Variants in TMEM67 observed in about 807,000 individuals in gnomAD.
The protein encoded by TMEM67 is transmembrane protein 67, also known as meckelin.
Under a neutral mutation model 136.6 loss-of-function variants are expected in TMEM67, and 124 were observed. The observed-to-expected ratio is 0.91, with a 90% CI of 0.78 to 1.05. The LOEUF (loss-of-function observed/expected upper bound fraction) is 1.05. Among genes scored for constraint, TMEM67 ranks in the 50% least tolerant of loss-of-function variants. The probability of loss-of-function intolerance (pLI) is 0.00; values close to 1 mark genes in which losing one functional copy is unlikely to be tolerated. For synonymous variants in TMEM67, 364 were observed against 390.5 expected (o/e 0.93, Z 0.80); for missense variants, 1,107 against 1,178.4 (o/e 0.94, Z 0.89).
Position 93,754,895 on chromosome 8 carries a change from A to G in TMEM67, c.-20A>G. ...GGCTGATGGGGGGCTGGAGGCTGTG[A>G]GGCTTCCAGCGTCGGTACCATGGCG... On this transcript the variant is annotated 5_prime_UTR_variant, in exon 1 of 28. Transcript: ENST00000453321. The G allele has an allele frequency of 1.2e-6, 2 of 1,608,464 alleles. No individual in the cohort carries two copies. Among genetic ancestry groups the G allele is most frequent in the Non-Finnish European group, 1.7e-6 (2 of 1,175,882 alleles).
rs1814044936 is a variant in TMEM67 at position 93,785,325 on chromosome 8, C to G, written c.1235C>G (p.Ala412Gly). Residue 412 changes from alanine to glycine, a missense_variant, in exon 12 of 28, where the codon GCT becomes GGT. By Grantham distance (60) the Ala-to-Gly change is moderately conservative. Around this residue, in one of 3 missense-constraint regions of TMEM67, gnomAD observed 925 missense variants for 1,002.4 expected, o/e 0.92. Transcript: ENST00000453321. ...GAAAATCAACATCAATATATTTTGG[C>G]TGTGCCTGTGTTAAACCTAAATCTT... ...TDENQHQYIL[A>G]VPVLNLNLQH... 1 of 1,610,428 alleles carries G rather than the reference C, an allele frequency of 6.2e-7. No homozygotes were observed. Among genetic ancestry groups the G allele is most frequent in the African/African-American group, 1.3e-5 (1 of 74,808 alleles).
the TMEM67 span, among the ~76,000 whole-genome samples, chr8:93,825,266 A>G: frequency 6.6e-6 from 1 of 152,218 alleles, no homozygotes; most frequent in Admixed American, 6.5e-5. Context: ...GACATTCCAG[A>G]GAAGGAGAGC....
chr8:93,754,969 G>T lies in TMEM67; in HGVS notation c.55G>T (p.Ala19Ser), dbSNP rs1300371747. The T allele has an allele frequency of 3.1e-6, 5 of 1,614,140 alleles. No individual in the cohort carries two copies. The highest frequency in any genetic ancestry group is 2.2e-5 in the East Asian group (1 of 44,892). ...VAMAVWSLLS[A>S]RAVTAFLLLF... is the part of the protein sequence containing the mutation. ...AATGGCGGTTTGGTCCCTCTTATCC[G>T]CCCGGGCCGTGACCGCGTTCCTTCT... Residue 19 changes from alanine (A) to serine (S), a missense_variant, in exon 1 of 28, where the codon GCC becomes TCC. By Grantham distance (99) the Ala-to-Ser change is moderately conservative (BLOSUM62 1). Transcript: ENST00000453321.
At chr8:93,758,196 A>C (rs1437448983) in intron 2 of TMEM67, among the ~76,000 whole-genome samples, 1 of 152,244 alleles carries the variant, frequency 6.6e-6, no homozygotes, top group Non-Finnish European at 1.5e-5. Flanking sequence ...CGAAATGACA[A>C]ATAATTATGA....
At chr8:93,810,502 C>T (rs1808660505) in intron 26 of TMEM67, among the ~76,000 whole-genome samples, 1 of 151,930 alleles carries the variant, frequency 6.6e-6, no homozygotes, top group South Asian at 2.1e-4. Flanking sequence ...ATGGCTTGAA[C>T]CTGGGAGGCA....
At position 93,754,967 on chromosome 8, in the gene TMEM67, C is replaced by G; in HGVS notation, c.53C>G (p.Ser18Cys). 1 of 1,614,200 alleles carries G rather than the reference C, an allele frequency of 6.2e-7. No homozygotes were observed. Among genetic ancestry groups the G allele is most frequent in the Non-Finnish European group, 8.5e-7 (1 of 1,180,022 alleles). ...GVAMAVWSLL[S>C]ARAVTAFLLL... The stretch of plus-strand genomic sequence containing the variant: ...GCAATGGCGGTTTGGTCCCTCTTAT[C>G]CGCCCGGGCCGTGACCGCGTTCCTT... The change falls in exon 1 of 28, where the codon TCC becomes TGC. Residue 18 changes from serine to cysteine, a missense_variant. Transcript: ENST00000453321.
chr8:93,782,004 C>T (rs1201611636), intron 10 of TMEM67, among the ~76,000 whole-genome samples: 3 of 152,016 alleles, frequency 2.0e-5, no homozygotes, highest in African/African-American at 4.8e-5. Flanking sequence ...CTACAAGCTC[C>T]GCCTTGCGGG....
intron 4 of TMEM67, 116 bp downstream of exon 4, chr8:93,764,057 G>A: frequency 2.6e-6 from 2 of 758,444 alleles, no homozygotes; most frequent in South Asian, 1.5e-5. Context: ...ACCCAAGGAA[G>A]GATAGAAGTA....
chr8:93,829,838 A>G, the TMEM67 span, among the ~76,000 whole-genome samples: 3 of 152,100 alleles, frequency 2.0e-5, no homozygotes, highest in Admixed American at 6.5e-5. Flanking sequence ...GGGGCATTTT[A>G]GGCCTCAGAA....
chr8:93,756,852 G>C (rs1056406645), intron 2 of TMEM67: 1 of 152,024 alleles, frequency 6.6e-6, no homozygotes, highest in Non-Finnish European at 1.5e-5. Context: ...GAGCCTGGTG[G>C]ATCATGAGCT....
intron 2 of TMEM67, chr8:93,757,204 A>G (rs1812614716): frequency 6.6e-6 from 1 of 152,108 alleles, no homozygotes. Flanking sequence ...CCAAAATTTA[A>G]AATAATTTGT....
Position 93,816,706 on chromosome 8 carries a change from C to T in TMEM67, c.*254C>T, listed in dbSNP as rs1586104129. The stretch of plus-strand genomic sequence containing the variant: ...TACTGACAGTGAGGCCAAAAAAAAT[C>T]TAAATGTTGCTTTCAGCATAATACT... On this transcript the variant is annotated 3_prime_UTR_variant, in exon 28 of 28. Transcript: ENST00000453321. The T allele has an allele frequency of 7.6e-6, 2 of 263,296 alleles. No individual in the cohort carries two copies. The highest frequency in any genetic ancestry group is 1.4e-5 in the Non-Finnish European group (2 of 138,328). 16.3% of individuals were successfully genotyped at this position (263,296 alleles called of 1,614,324 possible).
At chr8:93,831,991 A>G in the TMEM67 span, among the ~76,000 whole-genome samples, 1 of 152,212 alleles carries the variant, frequency 6.6e-6, no homozygotes, top group Non-Finnish European at 1.5e-5. Flanking sequence ...AGGTCTTGCC[A>G]TCCTCCAAGT....
At chr8:93,832,607 A>G in the TMEM67 span, among the ~76,000 whole-genome samples, 1 of 152,072 alleles carries the variant, frequency 6.6e-6, no homozygotes, top group Non-Finnish European at 1.5e-5. Context: ...GGTGGCTTAC[A>G]CCTGTAATCC....
Position 93,795,288 on chromosome 8 carries a change from A to G in TMEM67, c.1675-121A>G, listed in dbSNP as rs1423292487. On this transcript the variant is annotated intron_variant, in intron 16 of 27. Transcript: ENST00000453321. ...CTTTATAGCTGGATCATATGGGGAT[A>G]TGTGAAACAAGGCTTCAGGCTTAAG... 3.6e-6 allele frequency: 3 copies of G among 837,630 alleles called. No homozygotes were observed. The Admixed American group carries it at 5.6e-5, about 16-fold the overall frequency. 51.9% of individuals were successfully genotyped at this position (837,630 alleles called of 1,614,324 possible).
At position 93,764,143 on chromosome 8, in the gene TMEM67, T is replaced by A. The variant is rs576734740; in HGVS notation, c.506+202T>A. 5.9e-5 allele frequency among the ~76,000 whole-genome samples: 9 copies of A among 152,264 alleles called. No individual in the cohort carries two copies. The East Asian group carries it at 1.7e-3, about 29-fold the overall frequency. On this transcript the variant is annotated intron_variant, in intron 4 of 27. Coordinates refer to ENST00000453321, the MANE Select transcript of TMEM67 (RefSeq NM_153704.6). Reference sequence around the variant, plus strand: ...TTCAAATTTTGGTCCAGTCTGTTAGTTGTCTGACCTTGGATAGCTCACTAC... The same window carrying A: ...TTCAAATTTTGGTCCAGTCTGTTAGATGTCTGACCTTGGATAGCTCACTAC...
intron 7 of TMEM67, among the ~76,000 whole-genome samples, 159 bp downstream of exon 7, chr8:93,772,810 TGAA>T (rs958743711): frequency 2.6e-5 from 4 of 152,202 alleles, no homozygotes; most frequent in Non-Finnish European, 4.4e-5. Flanking sequence ...AGAGAATACA[TGAA>T]GAAGATGTTA....
intron 26 of TMEM67, among the ~76,000 whole-genome samples, chr8:93,814,652 C>CTTTT (rs1298820889): frequency 1.5e-4 from 21 of 138,516 alleles, no homozygotes; most frequent in East Asian, 2.1e-4. Flanking sequence ...TTCTTTCTTT[C>CTTTT]TTTTTTTTTT....
Position 93,755,775 on chromosome 8 carries a change from T to TTTG in TMEM67, c.224-3_224-2insTTG. On this transcript the variant is annotated splice_polypyrimidine_tract_variant and splice_region_variant and intron_variant, in intron 1 of 27. Coordinates refer to ENST00000453321, the MANE Select transcript of TMEM67 (RefSeq NM_153704.6). Reference sequence around the variant, plus strand: ...GCTTTTTTTTTTTTTTTTTTTTTTTTAGGAACTTCATGTGTATGTCTACCA... The same window carrying TTTG: ...GCTTTTTTTTTTTTTTTTTTTTTTTTTTGAGGAACTTCATGTGTATGTCTACCA... The TTTG allele has an allele frequency of 3.9e-6, 5 of 1,281,720 alleles. No homozygotes were observed. Among genetic ancestry groups the TTTG allele is most frequent in the South Asian group, 1.3e-5 (1 of 74,860 alleles). 79.4% of individuals were successfully genotyped at this position (1,281,720 alleles called of 1,614,324 possible).
Sources: gnomAD v4.1 joint callset for allele counts (sites outside exome capture counted in the v4.1 genomes callset) on GRCh38, gnomAD v4.1.1 for gene constraint, gnomAD v4.1.1 regional missense constraint, MANE v1.5 for transcripts, NCBI Gene and HGNC (gene_info 2026-07-23, HGNC 2026-07-21) for gene names.